The following XRCC2 variants were observed in gnomAD, a reference collection of about 807,000 sequenced individuals.
The protein encoded by XRCC2 is X-ray repair cross complementing 2, also known as DNA repair protein XRCC2.
Under a neutral mutation model 27.3 loss-of-function variants are expected in XRCC2, and 24 were observed. That is an observed-to-expected ratio of 0.88 (90% CI 0.64 to 1.24). XRCC2 has a LOEUF of 1.24. Ranked by LOEUF, XRCC2 falls within the 50% of genes most tolerant of loss-of-function variation. XRCC2 has a pLI of 0.00. For missense variants in XRCC2, 321 were observed against 325.8 expected, an observed-to-expected ratio of 0.99 and a Z score of 0.11; for synonymous variants, 106 against 115.4, an observed-to-expected ratio of 0.92 and a Z score of 0.52.
At chr7:152,674,598 C>T (rs996081940) in intron 1 of XRCC2, among the ~76,000 whole-genome samples, 8 of 147,128 alleles carry the variant, frequency 5.4e-5, no homozygotes, top group East Asian at 2.0e-4. Flanking sequence ...GGCAACAGAG[C>T]GAGAGTTCAT....
At chr7:152,659,092 T>G (rs978146034) in intron 2 of XRCC2, among the ~76,000 whole-genome samples, 1 of 152,134 alleles carries the variant, frequency 6.6e-6, no homozygotes, top group Non-Finnish European at 1.5e-5. Flanking sequence ...TTACCAACAG[T>G]GCAAAAGGGT....
chr7:152,674,410 G>A lies in XRCC2; in HGVS notation c.39+1631C>T, dbSNP rs1261996740. Among the ~76,000 whole-genome samples the A allele has an allele frequency of 2.6e-5, 4 of 152,126 alleles. No individual in the cohort carries two copies. In the East Asian group the frequency reaches 7.7e-4, roughly 29 times the overall value. ...GCGGATCACCTGAGGTCAGGAGTTC[G>A]AAACTAGCCTCGCCAACACGGCGAA... is the stretch of plus-strand genomic sequence containing the variant. On this transcript the variant is annotated intron_variant, in intron 1 of 2. Transcript: ENST00000359321.
intron 1 of XRCC2, among the ~76,000 whole-genome samples, chr7:152,665,188 T>G (rs1317828051): frequency 6.6e-6 from 1 of 152,120 alleles, no homozygotes. Context: ...CAAGTGAACG[T>G]TACTTCAAAA....
At chr7:152,655,587 T>C (rs1035226113) in intron 2 of XRCC2, among the ~76,000 whole-genome samples, 1 of 152,112 alleles carries the variant, frequency 6.6e-6, no homozygotes, top group Non-Finnish European at 1.5e-5. Flanking sequence ...CACACATCTG[T>C]GGTCCCAGCT....
chr7:152,661,106 G>T (rs1163558015), intron 1 of XRCC2, among the ~76,000 whole-genome samples: 1 of 152,192 alleles, frequency 6.6e-6, no homozygotes, highest in African/African-American at 2.4e-5. Context: ...AGAGGTTGCA[G>T]CCTGGGTGAC....
rs6464263 is a variant in XRCC2, at chr7:152,644,832, T to C, written c.*3810A>G. 142,992 of 152,294 alleles carry C rather than the reference T, an allele frequency of 0.94. 67,174 individuals are homozygous for C. Among genetic ancestry groups the C allele is most frequent in the South Asian group, 0.95 (4,583 of 4,830 alleles). The allele number at this position is 152,294 out of a possible 1,614,324, so 9.4% of individuals were successfully genotyped here. A position where few individuals can be genotyped will look rare whatever the true frequency, so the allele number is the denominator to read the frequency against. On this transcript the variant is annotated 3_prime_UTR_variant, in exon 3 of 3. Transcript: ENST00000359321. ...TCCATTTACAAAACATAGTAATTCT[T>C]GATCGCTGAAAATGTCAAATCCTGG... is the stretch of plus-strand genomic sequence containing the variant.
intron 2 of XRCC2, among the ~76,000 whole-genome samples, chr7:152,651,889 T>A (rs2098028669): frequency 6.6e-6 from 1 of 151,550 alleles, no homozygotes. Context: ...TACACATGGC[T>A]GGGCATAGTG....
chr7:152,661,929 G>A (rs2098033276), intron 1 of XRCC2, among the ~76,000 whole-genome samples: 1 of 152,162 alleles, frequency 6.6e-6, no homozygotes, highest in Admixed American at 6.5e-5. Context: ...GGCTGATGAG[G>A]ATTAAATATG....
At chr7:152,651,825 A>C (rs1378319341) in intron 2 of XRCC2, among the ~76,000 whole-genome samples, 2 of 151,688 alleles carry the variant, frequency 1.3e-5, no homozygotes, top group African/African-American at 4.8e-5. Context: ...CAGCTTTCTT[A>C]TAGCATAGTA....
chr7:152,648,414 A>G lies in XRCC2; in HGVS notation c.*228T>C, dbSNP rs12540314. 3.0e-3 allele frequency: 10 copies of G among 3,350 alleles called. No individual in the cohort carries two copies. Among genetic ancestry groups the G allele is most frequent in the Non-Finnish European group, 5.4e-3 (10 of 1,862 alleles). 0.2% of individuals were successfully genotyped at this position (3,350 alleles called of 1,614,324 possible). On this transcript the variant is annotated 3_prime_UTR_variant, in exon 3 of 3. Coordinates refer to ENST00000359321, the MANE Select transcript of XRCC2 (RefSeq NM_005431.2). ...GACAGAGTAAGACTGTTTCAAAAAG[A>G]AAAAAAAAAAAAAAGAAAACTTTTG...
At chr7:152,665,838 T>G (rs1252514117) in intron 1 of XRCC2, among the ~76,000 whole-genome samples, 2 of 152,168 alleles carry the variant, frequency 1.3e-5, no homozygotes, top group Non-Finnish European at 1.5e-5. Context: ...AACTACTACT[T>G]GTCAAGCTTT....
At position 152,648,001 on chromosome 7, in the gene XRCC2, CAA is replaced by C. The variant is rs980897414; in HGVS notation, c.*639_*640del. 6.6e-6 allele frequency: 1 copy of C among 152,176 alleles called. No homozygotes were observed. The highest frequency in any genetic ancestry group is 1.5e-5 in the Non-Finnish European group (1 of 68,024). 9.4% of individuals were successfully genotyped at this position (152,176 alleles called of 1,614,324 possible). ...AAGAAATATTGGTGGTAAATTAATA[CAA>C]AGTTTAATTGCTAAAATCACTTTGA... On this transcript the variant is annotated 3_prime_UTR_variant, in exon 3 of 3. Transcript: ENST00000359321.
At chr7:152,654,133 G>A (rs3218508) in intron 2 of XRCC2, among the ~76,000 whole-genome samples, 94 of 144,026 alleles carry the variant, frequency 6.5e-4, no homozygotes, top group African/African-American at 2.3e-3. Flanking sequence ...GAGGCAGAGG[G>A]TTGCAGTGAG....
At chr7:152,654,149 A>G (rs1366200496) in intron 2 of XRCC2, among the ~76,000 whole-genome samples, 2 of 134,324 alleles carry the variant, frequency 1.5e-5, no homozygotes, top group African/African-American at 5.6e-5. Context: ...GTGAGCCCAG[A>G]TTGCGCCATT....
At chr7:152,675,840 C>A (rs1022045990) in intron 1 of XRCC2, among the ~76,000 whole-genome samples, 4 of 152,132 alleles carry the variant, frequency 2.6e-5, no homozygotes, top group Admixed American at 2.0e-4. Flanking sequence ...GGACTCCAGG[C>A]TGCCCAGGGG....
At chr7:152,670,081 G>A (rs1385396878) in intron 1 of XRCC2, among the ~76,000 whole-genome samples, 1 of 152,126 alleles carries the variant, frequency 6.6e-6, no homozygotes, top group Non-Finnish European at 1.5e-5. Flanking sequence ...TTAGTACATA[G>A]TTCTTTCAGG....
chr7:152,668,121 C>T (rs1252705267), intron 1 of XRCC2, among the ~76,000 whole-genome samples: 2 of 152,060 alleles, frequency 1.3e-5, no homozygotes, highest in South Asian at 2.1e-4. Flanking sequence ...CAGTTATAGC[C>T]AACCACAGTT....
At chr7:152,650,996 G>A (rs2098028294) in intron 2 of XRCC2, among the ~76,000 whole-genome samples, 1 of 152,072 alleles carries the variant, frequency 6.6e-6, no homozygotes, top group African/African-American at 2.4e-5. Flanking sequence ...CTGGAGTGCA[G>A]TGGTTCAATC....
At chr7:152,671,759 G>A (rs1287141614) in intron 1 of XRCC2, among the ~76,000 whole-genome samples, 1 of 152,076 alleles carries the variant, frequency 6.6e-6, no homozygotes, top group African/African-American at 2.4e-5. Context: ...ATTTAAAATG[G>A]AGCCAGGCAC....
Sources: allele counts gnomAD v4.1 joint callset (sites outside exome capture counted in the v4.1 genomes callset), GRCh38; gene constraint gnomAD v4.1.1; transcripts MANE v1.5; gene names NCBI Gene and HGNC (gene_info 2026-07-23, HGNC 2026-07-21).